The following TENM3 variants were observed in gnomAD, a reference collection of about 807,000 sequenced individuals.
The protein encoded by TENM3 is teneurin-3.
Under a neutral mutation model 255.1 loss-of-function variants are expected in TENM3, and 63 were observed. That is an observed-to-expected ratio of 0.25 (90% CI 0.20 to 0.30). The LOEUF is 0.30. Among genes scored for constraint, TENM3 ranks in the 10% least tolerant of loss-of-function variants. The probability of loss-of-function intolerance (pLI) is 1.00; values close to 1 mark genes in which losing one functional copy is unlikely to be tolerated. For missense variants in TENM3, 2,929 were observed against 3,461.1 expected (o/e 0.85, Z 3.86); for synonymous variants, 1,306 against 1,322.3 (o/e 0.99, Z 0.27).
the TENM3 span, among the ~76,000 whole-genome samples, chr4:181,720,137 C>T: frequency 4.6e-5 from 7 of 152,176 alleles, no homozygotes; most frequent in African/African-American, 7.2e-5. Context: ...GCAACAAATA[C>T]TTCAAAATCA....
At chr4:181,739,305 A>T in the TENM3 span, among the ~76,000 whole-genome samples, 1 of 151,500 alleles carries the variant, frequency 6.6e-6, no homozygotes, top group Non-Finnish European at 1.5e-5. Flanking sequence ...CCAATGTTTA[A>T]GAATGAAGCT....
At chr4:182,017,893 A>AT in the TENM3 span, among the ~76,000 whole-genome samples, 10 of 152,226 alleles carry the variant, frequency 6.6e-5, no homozygotes, top group Admixed American at 6.5e-4. Context: ...TTTATTGGCA[A>AT]TGTCTTTAGA....
At chr4:182,069,996 T>C in the TENM3 span, among the ~76,000 whole-genome samples, 3 of 152,122 alleles carry the variant, frequency 2.0e-5, no homozygotes, top group Non-Finnish European at 4.4e-5. Flanking sequence ...AGGTGATTAT[T>C]AAATAAGAGT....
chr4:182,221,264 C>T (rs1055173322), intron 1 of TENM3, among the ~76,000 whole-genome samples: 1 of 152,146 alleles, frequency 6.6e-6, no homozygotes, highest in Non-Finnish European at 1.5e-5. Context: ...CGTTTTTAAG[C>T]CTAGAGAATC....
At chr4:182,665,247 T>C (rs1754567291) in intron 6 of TENM3, among the ~76,000 whole-genome samples, 1 of 152,214 alleles carries the variant, frequency 6.6e-6, no homozygotes, top group African/African-American at 2.4e-5. Flanking sequence ...GCCTGTGCTC[T>C]ATAAATGGAA....
intron 3 of TENM3, among the ~76,000 whole-genome samples, chr4:182,355,632 A>C (rs1765471401): frequency 6.6e-6 from 1 of 152,152 alleles, no homozygotes; most frequent in Admixed American, 6.5e-5. Flanking sequence ...TATTATAATT[A>C]TCAACATAGG....
chr4:182,240,880 C>T (rs188202489), upstream of TENM3, among the ~76,000 whole-genome samples: 1 of 152,316 alleles, frequency 6.6e-6, no homozygotes, highest in Non-Finnish European at 1.5e-5. Context: ...CCTGCTATGT[C>T]CCCTCAGATC....
intron 1 of TENM3, among the ~76,000 whole-genome samples, chr4:182,187,159 A>C (rs1753215310): frequency 6.6e-6 from 1 of 152,140 alleles, no homozygotes; most frequent in Non-Finnish European, 1.5e-5. Flanking sequence ...AACCTCATTA[A>C]TTCTGGGTAT....
the TENM3 span, among the ~76,000 whole-genome samples, chr4:181,488,303 A>G: frequency 6.6e-6 from 1 of 152,196 alleles, no homozygotes; most frequent in African/African-American, 2.4e-5. Flanking sequence ...TCATTGCTTC[A>G]TCAGTACAAT....
At chr4:181,529,356 C>A in the TENM3 span, among the ~76,000 whole-genome samples, 1 of 152,180 alleles carries the variant, frequency 6.6e-6, no homozygotes, top group East Asian at 1.9e-4. Flanking sequence ...TGGGCGATGA[C>A]AGTGTAGTGT....
chr4:181,522,883 T>A, the TENM3 span: 5 of 991,096 alleles, frequency 5.0e-6, no homozygotes, highest in Non-Finnish European at 7.9e-6. Flanking sequence ...ATTGTGGTTG[T>A]GATGATAGCA....
chr4:181,559,149 C>T, the TENM3 span, among the ~76,000 whole-genome samples: 1 of 151,910 alleles, frequency 6.6e-6, no homozygotes, highest in Non-Finnish European at 1.5e-5. Flanking sequence ...AAAGTGCTTC[C>T]TAAAGGGTAA....
chr4:182,751,693 T>C, intron 19 of TENM3, 107 bp from the exon 20 acceptor site: 5 of 769,830 alleles, frequency 6.5e-6, no homozygotes, highest in Non-Finnish European at 1.1e-5. Flanking sequence ...TGATCATGGA[T>C]TCCAGACTAT....
chr4:182,618,493 G>GTAC (rs1749755357), intron 4 of TENM3, among the ~76,000 whole-genome samples: 2 of 151,786 alleles, frequency 1.3e-5, no homozygotes, highest in African/African-American at 4.8e-5. Context: ...AAATTTCCTT[G>GTAC]ATAATCTGAT....
the TENM3 span, among the ~76,000 whole-genome samples, chr4:181,791,169 G>A: frequency 2.0e-5 from 3 of 152,184 alleles, no homozygotes; most frequent in Admixed American, 6.5e-5. Flanking sequence ...CCCGGACCAG[G>A]CGATGTCTTC....
chr4:181,488,092 G>A, the TENM3 span, among the ~76,000 whole-genome samples: 2 of 152,236 alleles, frequency 1.3e-5, no homozygotes, highest in Non-Finnish European at 2.9e-5. Flanking sequence ...GGGCTTTGCA[G>A]TCAGGCAGCC....
the TENM3 span, among the ~76,000 whole-genome samples, chr4:181,448,462 C>T: frequency 1.6e-3 from 244 of 152,126 alleles, 1 homozygote; most frequent in African/African-American, 5.6e-3. Context: ...TGAGCCACCG[C>T]GCCCGGCCGA....
At chr4:181,673,852 G>A in the TENM3 span, among the ~76,000 whole-genome samples, 279 of 114,842 alleles carry the variant, frequency 2.4e-3, 1 homozygote, top group African/African-American at 7.9e-3. Flanking sequence ...TGTGGTGTGT[G>A]TGTGTGTGTG....
the TENM3 span, among the ~76,000 whole-genome samples, chr4:181,508,892 C>CTTTTTTTT: frequency 1.9e-5 from 1 of 53,788 alleles, no homozygotes. Context: ...ATTTCCAACA[C>CTTTTTTTT]TTTTTTTTTT....
Sources: gnomAD v4.1 joint callset for allele counts (sites outside exome capture counted in the v4.1 genomes callset) on GRCh38, gnomAD v4.1.1 for gene constraint, MANE v1.5 for transcripts, NCBI Gene and HGNC (gene_info 2026-07-23, HGNC 2026-07-21) for gene names.